The following TOLLIP variants were observed in gnomAD, a reference collection of about 807,000 sequenced individuals.
The protein encoded by TOLLIP is toll interacting protein.
Under a neutral mutation model 33.5 loss-of-function variants are expected in TOLLIP, and 16 were observed. That is an observed-to-expected ratio of 0.48 (90% CI 0.32 to 0.72). The LOEUF (loss-of-function observed/expected upper bound fraction) is 0.72. Among genes scored for constraint, TOLLIP ranks in the 30% least tolerant of loss-of-function variants. The pLI is 0.03. For synonymous variants in TOLLIP, 176 were observed against 163.7 expected (o/e 1.07, Z -0.57); for missense variants, 325 against 396.6 (o/e 0.82, Z 1.53).
rs1282819022 is a variant in TOLLIP at position 1,274,567 on chromosome 11, A to AGAGGG, written c.*2467_*2471dup. 2 of 152,186 alleles carry AGAGGG rather than the reference A, an allele frequency of 1.3e-5. No individual in the cohort carries two copies. Among genetic ancestry groups the AGAGGG allele is most frequent in the Admixed American group, 6.5e-5 (1 of 15,280 alleles). The allele number at this position is 152,186 out of a possible 1,614,324, so 9.4% of individuals were successfully genotyped here. On this transcript the variant is annotated 3_prime_UTR_variant, in exon 6 of 6. Coordinates refer to ENST00000317204, the MANE Select transcript of TOLLIP (RefSeq NM_019009.4). Reference sequence around the variant, plus strand: ...AGGGTAGCGCCCAGGGAGCATCTGCAGAGGGGAGAGGAGAGGAGGGGGAGC... The same window carrying AGAGGG: ...AGGGTAGCGCCCAGGGAGCATCTGCAGAGGGGAGGGGAGAGGAGAGGAGGGGGAGC...
intron 2 of TOLLIP, among the ~76,000 whole-genome samples, chr11:1,293,998 G>A (rs1048770258): frequency 1.3e-5 from 2 of 152,282 alleles, no homozygotes; most frequent in African/African-American, 4.8e-5. Flanking sequence ...CTGAAAGCAA[G>A]TCTTATTTGT....
chr11:1,295,784 C>T lies in TOLLIP; in HGVS notation c.44G>A (p.Gly15Asp). 1 of 1,571,078 alleles carries T rather than the reference C, an allele frequency of 6.4e-7. No homozygotes were observed. Among genetic ancestry groups the T allele is most frequent in the Non-Finnish European group, 8.6e-7 (1 of 1,156,978 alleles). ...VSTQRGPVYI[G>D]ELPQDFLRIT... ...GCGGAGGAAGTCCTGCGGGAGCTCA[C>T]CGATGTACACCTGCGGGGCCGGGGA... Residue 15 changes from glycine to aspartate, a missense_variant, in exon 2 of 6, where the codon GGT becomes GAT. By Grantham distance (94) the Gly-to-Asp change is moderately conservative. Transcript: ENST00000317204.
intron 5 of TOLLIP, chr11:1,283,563 T>A: frequency 2.2e-6 from 1 of 456,274 alleles, no homozygotes; most frequent in Non-Finnish European, 4.4e-6. Flanking sequence ...GGAACTTTTC[T>A]ATGAAGTGCG....
intron 1 of TOLLIP, chr11:1,306,077 C>T (rs540805500): frequency 6.6e-6 from 1 of 152,350 alleles, no homozygotes; most frequent in African/African-American, 2.4e-5. Flanking sequence ...CTCACCCATG[C>T]TTTCTGATAA....
At chr11:1,297,368 C>T (rs902335030) in intron 1 of TOLLIP, among the ~76,000 whole-genome samples, 2 of 152,104 alleles carry the variant, frequency 1.3e-5, no homozygotes, top group African/African-American at 4.8e-5. Flanking sequence ...CCATCTAAGG[C>T]CTGGAGCGCA....
intron 5 of TOLLIP, chr11:1,283,539 C>T (rs923208483): frequency 2.2e-6 from 1 of 456,216 alleles, no homozygotes; most frequent in Admixed American, 2.3e-5. Context: ...GGCAGATGTT[C>T]CTGCATCTCC....
rs554473822 is a variant in TOLLIP, at chr11:1,290,003, C to G, written c.366+224G>C. 69 of 559,796 alleles carry G rather than the reference C, an allele frequency of 1.2e-4. No homozygotes were observed. The African/African-American group carries it at 1.3e-3, about 10-fold the overall frequency. The allele number at this position is 559,796 out of a possible 1,614,324, so 34.7% of individuals were successfully genotyped here. The stretch of plus-strand genomic sequence containing the variant: ...CGCTGTATCCCTGGGTCATGCTTGT[C>G]ACTGGGGATGTTTCCAAATGTAAGT... On this transcript the variant is annotated intron_variant, in intron 3 of 5. Transcript: ENST00000317204. This position sits in a 1 kb window ranked among gnomAD's most constrained non-coding sequence, Gnocchi z 4.9.
chr11:1,280,898 G>A (rs1326161007), intron 5 of TOLLIP, among the ~76,000 whole-genome samples: 1 of 152,220 alleles, frequency 6.6e-6, no homozygotes, highest in Non-Finnish European at 1.5e-5. Flanking sequence ...GGACAGTGCA[G>A]GCAGGGCTGA....
chr11:1,309,524 G>T lies in TOLLIP; in HGVS notation c.-26C>A. ...GGTGCTGCGGCGGCCCCCGTGGCTC[G>T]CCGACCCGACAGTGACGCGCCGGGC... On this transcript the variant is annotated 5_prime_UTR_variant, in exon 1 of 6. Transcript: ENST00000317204. 7.8e-7 allele frequency: 1 copy of T among 1,285,622 alleles called. No individual in the cohort carries two copies. Among genetic ancestry groups the T allele is most frequent in the Non-Finnish European group, 9.9e-7 (1 of 1,008,638 alleles). 79.6% of individuals were successfully genotyped at this position (1,285,622 alleles called of 1,614,324 possible).
intron 5 of TOLLIP, among the ~76,000 whole-genome samples, chr11:1,283,793 C>G (rs948805538): frequency 1.3e-5 from 2 of 152,332 alleles, no homozygotes; most frequent in Admixed American, 6.5e-5. Context: ...ACTGCACCCC[C>G]CAAAAAGACA....
chr11:1,304,250 T>TCCACCTGGAGTACCGC (rs1224173335), intron 1 of TOLLIP, among the ~76,000 whole-genome samples: 1 of 151,704 alleles, frequency 6.6e-6, no homozygotes, highest in African/African-American at 2.4e-5. Context: ...GGGAGTACTG[T>TCCACCTGGAGTACCGC]CCACCTGGAG....
At chr11:1,287,883 C>T (rs1863796092) in intron 4 of TOLLIP, among the ~76,000 whole-genome samples, 1 of 149,548 alleles carries the variant, frequency 6.7e-6, no homozygotes, top group South Asian at 2.1e-4. Context: ...CTCCCTGCTG[C>T]ACCCTCCCTG....
intron 4 of TOLLIP, 147 bp from the exon 5 acceptor site, chr11:1,286,239 G>C (rs917948241): frequency 1.4e-5 from 9 of 635,126 alleles, no homozygotes; most frequent in Admixed American, 2.5e-5. Flanking sequence ...CGCTACACGA[G>C]CCCTGAGTGC....
At position 1,276,811 on chromosome 11, in the gene TOLLIP, G is replaced by C; in HGVS notation, c.*228C>G. On this transcript the variant is annotated 3_prime_UTR_variant, in exon 6 of 6. Transcript: ENST00000317204. ...TCCCAGGGACAGGAGAGCGCGCTGA[G>C]ACCTCCCAGCACGAGATGGGAGGGG... 2 of 1,528,264 alleles carry C rather than the reference G, an allele frequency of 1.3e-6. No homozygotes were observed. Among genetic ancestry groups the C allele is most frequent in the Non-Finnish European group, 1.8e-6 (2 of 1,142,316 alleles). The allele number at this position is 1,528,264 out of a possible 1,614,324, so 94.7% of individuals were successfully genotyped here. A position where few individuals can be genotyped will look rare whatever the true frequency, so the allele number is the denominator to read the frequency against.
intron 1 of TOLLIP, chr11:1,302,791 G>GGACGGGCAGTGGT: frequency 1.0e-6 from 1 of 985,450 alleles, no homozygotes; most frequent in Non-Finnish European, 1.2e-6. Flanking sequence ...ACGCCAGTGT[G>GGACGGGCAGTGGT]GACGGGCAGT....
At chr11:1,283,576 G>C (rs1462901499) in intron 5 of TOLLIP, 4 of 455,992 alleles carry the variant, frequency 8.8e-6, no homozygotes, top group East Asian at 6.9e-5. Context: ...GAAGTGCGGG[G>C]CTGTTCCAAA....
chr11:1,283,458 G>A (rs1460422379), intron 5 of TOLLIP: 4 of 421,108 alleles, frequency 9.5e-6, no homozygotes, highest in South Asian at 1.6e-5. Context: ...CTGCTTATTG[G>A]AAACGCATGC....
chr11:1,276,432 T>C lies in TOLLIP; in HGVS notation c.*607A>G, dbSNP rs183400443. ...GGTTCATTCTGCCTTCAGGCCGGAG[T>C]CTGTCACAAGGCTGGCTGGACAGTG... is the stretch of plus-strand genomic sequence containing the variant. On this transcript the variant is annotated 3_prime_UTR_variant, in exon 6 of 6. Transcript: ENST00000317204. The C allele has an allele frequency of 3.1e-5, 9 of 290,998 alleles. No homozygotes were observed. The East Asian group carries it at 8.5e-4, about 27-fold the overall frequency. The allele number at this position is 290,998 out of a possible 1,614,324, so 18.0% of individuals were successfully genotyped here.
intron 5 of TOLLIP, 123 bp downstream of exon 5, chr11:1,285,879 A>G (rs1590211528): frequency 1.6e-6 from 1 of 633,708 alleles, no homozygotes; most frequent in East Asian, 3.1e-5. Context: ...GCACGTCTAC[A>G]GGATTCTAGA....
Sources: gnomAD v4.1 joint callset for allele counts (sites outside exome capture counted in the v4.1 genomes callset) on GRCh38, gnomAD v4.1.1 for gene constraint, Gnocchi (gnomAD v3.1) non-coding constraint, MANE v1.5 for transcripts, NCBI Gene and HGNC (gene_info 2026-07-23, HGNC 2026-07-21) for gene names.